BMS1: variants seen among roughly 807,000 people sequenced by gnomAD.
BMS1 encodes ribosome biogenesis protein BMS1 homolog.
In BMS1, 53 loss-of-function variants were observed where a neutral mutation model predicts 138.7. The ratio of observed to expected loss-of-function variants is 0.38; its 90% confidence interval spans 0.31 to 0.48. BMS1 has a LOEUF of 0.48. BMS1 is among the 20% of genes least tolerant of loss of function. The probability of loss-of-function intolerance (pLI) is 0.97; values close to 1 mark genes in which losing one functional copy is unlikely to be tolerated. For synonymous variants in BMS1, 504 were observed against 539.9 expected, an observed-to-expected ratio of 0.93 and a Z score of 0.92; for missense variants, 1,360 against 1,565.5, an observed-to-expected ratio of 0.87 and a Z score of 2.22.
chr10:42,813,196 T>C (rs1042111462), intron 13 of BMS1, among the ~76,000 whole-genome samples: 1 of 152,242 alleles, frequency 6.6e-6, no homozygotes, highest in Non-Finnish European at 1.5e-5. Flanking sequence ...GAGTTTGAAG[T>C]TTCTTATGAA....
Position 42,791,751 on chromosome 10 carries a change from C to T in BMS1, c.761C>T (p.Pro254Leu), listed in dbSNP as rs189007116. 2.4e-5 allele frequency: 38 copies of T among 1,606,638 alleles called. No homozygotes were observed. Among genetic ancestry groups the T allele is most frequent in the Non-Finnish European group, 5.9e-6 (7 of 1,178,166 alleles). Reference protein sequence around the residue: ...FRPLTWQTSHPYILADRMEDL... With the variant: ...FRPLTWQTSHLYILADRMEDL... Reference sequence around the variant, plus strand: ...CCTCTCACATGGCAAACTTCTCACCCTTATATCCTGGCAGACAGGTAAAAT... The same window carrying T: ...CCTCTCACATGGCAAACTTCTCACCTTTATATCCTGGCAGACAGGTAAAAT... The change falls in exon 6 of 23, where the codon CCT becomes CTT. Residue 254 changes from proline to leucine, a missense_variant. Transcript: ENST00000374518.
rs1230140253 is a variant in BMS1, at chr10:42,831,953, C to T, written c.*857C>T. 3 of 151,892 alleles carry T rather than the reference C, an allele frequency of 2.0e-5. No homozygotes were observed. Among genetic ancestry groups the T allele is most frequent in the Non-Finnish European group, 4.4e-5 (3 of 67,978 alleles). 9.4% of individuals were successfully genotyped at this position (151,892 alleles called of 1,614,324 possible). On this transcript the variant is annotated 3_prime_UTR_variant, in exon 23 of 23. Coordinates refer to ENST00000374518, the MANE Select transcript of BMS1 (RefSeq NM_014753.4). ...TAGTTATGGGGAATCTATTCCTATA[C>T]GATGTAATCATAGATTCACATATAG... is the stretch of plus-strand genomic sequence containing the variant.
In BMS1 at chr10:42,830,391, C is replaced by A. The variant is rs201022846; in HGVS notation, c.3587C>A (p.Pro1196Gln). The stretch of plus-strand genomic sequence containing the variant: ...AAGGTGCCAAAGGACAGGCGGAGAC[C>A]GGCCGTCATACGCGAGCCTCATGAA... ...AGKVPKDRRR[P>Q]AVIREPHERK... is the part of the protein sequence containing the mutation. The change falls in exon 22 of 23, where the codon CCG becomes CAG. Residue 1196 changes from proline to glutamine, a missense_variant. This residue lies in a region of BMS1 where 425 missense variants were observed against 568.3 expected (regional missense o/e 0.75). Coordinates refer to ENST00000374518, the MANE Select transcript of BMS1 (RefSeq NM_014753.4). 1.2e-6 allele frequency: 2 copies of A among 1,612,156 alleles called. No homozygotes were observed. Among genetic ancestry groups the A allele is most frequent in the East Asian group, 2.2e-5 (1 of 44,858 alleles).
chr10:42,806,210 C>T (rs1446101177), intron 13 of BMS1, among the ~76,000 whole-genome samples: 1 of 152,196 alleles, frequency 6.6e-6, no homozygotes, highest in South Asian at 2.1e-4. Context: ...GGTCCAATCT[C>T]ATATGGTTCC....
intron 1 of BMS1, among the ~76,000 whole-genome samples, chr10:42,784,036 A>G (rs1201972059): frequency 6.6e-6 from 1 of 152,232 alleles, no homozygotes; most frequent in Non-Finnish European, 1.5e-5. Flanking sequence ...AAGTAACCAC[A>G]TGTGGCTAAT....
At position 42,831,056 on chromosome 10, in the gene BMS1, A is replaced by G. The variant is rs1842789381; in HGVS notation, c.3809A>G (p.Gln1270Arg). ...RIQGQKERRN[Q>R]KSSLKGAEGQ... ...CAGGGGCAGAAGGAAAGAAGAAACC[A>G]GAAGTCCAGTTTGAAGGGGGCTGAG... The change falls in exon 23 of 23, where the codon CAG becomes CGG. Residue 1270 changes from glutamine (Q) to arginine (R), a missense_variant. This residue lies in a region of BMS1 where 425 missense variants were observed against 568.3 expected (regional missense o/e 0.75). Coordinates refer to ENST00000374518, the MANE Select transcript of BMS1 (RefSeq NM_014753.4). The G allele has an allele frequency of 1.3e-6, 2 of 1,580,110 alleles. No homozygotes were observed. The highest frequency in any genetic ancestry group is 1.7e-6 in the Non-Finnish European group (2 of 1,161,486).
Position 42,785,484 on chromosome 10 carries a change from C to T in BMS1, c.179C>T (p.Thr60Ile), listed in dbSNP as rs796498066. The change falls in exon 3 of 23, where the codon ACT becomes ATT. Residue 60 changes from threonine to isoleucine, a missense_variant and splice_region_variant. Around this residue, in one of 3 missense-constraint regions of BMS1, gnomAD observed 238 missense variants for 311.1 expected, o/e 0.77. Coordinates refer to ENST00000374518, the MANE Select transcript of BMS1 (RefSeq NM_014753.4). ...AVRMARSFHRTQDLKTKKHHI... is the reference protein window; with the variant it reads ...AVRMARSFHRIQDLKTKKHHI... The stretch of plus-strand genomic sequence containing the variant: ...TTTGTTTATTTTTTAATGAATAGGA[C>T]TCAGGATTTGAAGACAAAAAAGCAT... 3 of 1,603,746 alleles carry T rather than the reference C, an allele frequency of 1.9e-6. No individual in the cohort carries two copies. Among genetic ancestry groups the T allele is most frequent in the African/African-American group, 1.3e-5 (1 of 74,542 alleles).
At chr10:42,783,430 T>C (rs1841223358) in intron 1 of BMS1, among the ~76,000 whole-genome samples, 1 of 152,238 alleles carries the variant, frequency 6.6e-6, no homozygotes, top group African/African-American at 2.4e-5. Context: ...TAGTTTGGAT[T>C]TCCTCTGCAA....
chr10:42,824,169 AC>A (rs1210424544), intron 21 of BMS1, among the ~76,000 whole-genome samples: 1 of 152,172 alleles, frequency 6.6e-6, no homozygotes, highest in Non-Finnish European at 1.5e-5. Context: ...TACTTACTTA[AC>A]AAAAATCCCA....
chr10:42,783,393 G>A (rs969693555), intron 1 of BMS1, among the ~76,000 whole-genome samples: 31 of 152,128 alleles, frequency 2.0e-4, no homozygotes, highest in African/African-American at 7.2e-4. Flanking sequence ...TTCCAATGTC[G>A]CCCTTATTGC....
chr10:42,802,901 C>G (rs2132332820), intron 13 of BMS1, among the ~76,000 whole-genome samples: 1 of 152,158 alleles, frequency 6.6e-6, no homozygotes, highest in Admixed American at 6.5e-5. Flanking sequence ...GAACTCCACA[C>G]TGAACAACTT....
chr10:42,816,168 G>A (rs1267353035), intron 13 of BMS1, among the ~76,000 whole-genome samples: 5 of 152,096 alleles, frequency 3.3e-5, no homozygotes, highest in African/African-American at 7.2e-5. Context: ...GCTTGGTGGC[G>A]GGTGCCTATA....
intron 21 of BMS1, among the ~76,000 whole-genome samples, chr10:42,825,262 C>T (rs554176265): frequency 6.6e-6 from 1 of 152,284 alleles, no homozygotes; most frequent in Non-Finnish European, 1.5e-5. Context: ...CCGCTGTGGT[C>T]TCTCAAAGTG....
intron 21 of BMS1, among the ~76,000 whole-genome samples, chr10:42,827,039 G>A (rs989337215): frequency 1.1e-4 from 17 of 152,134 alleles, no homozygotes; most frequent in African/African-American, 3.6e-4. Flanking sequence ...CCTAGTGGGA[G>A]GTATTTGGGT....
chr10:42,786,862 G>A (rs931079436), intron 3 of BMS1, among the ~76,000 whole-genome samples: 11 of 152,178 alleles, frequency 7.2e-5, no homozygotes, highest in African/African-American at 1.9e-4. Flanking sequence ...AAGACATTGG[G>A]CCTGCAGCTG....
At chr10:42,825,208 T>C (rs1842603867) in intron 21 of BMS1, among the ~76,000 whole-genome samples, 1 of 152,066 alleles carries the variant, frequency 6.6e-6, no homozygotes, top group Non-Finnish European at 1.5e-5. Context: ...AGGGTTTCAC[T>C]ATGTTTGCTG....
In BMS1 at chr10:42,784,655, C is replaced by T. The variant is rs111647515; in HGVS notation, c.176+85C>T. ...CTCTCACAGGTGACATTTGGATTCA[C>T]GAGTCTAGTCCAGCTCCAAAGGACA... On this transcript the variant is annotated intron_variant, in intron 2 of 22. Transcript: ENST00000374518. The T allele has an allele frequency of 7.0e-3, 10,155 of 1,451,902 alleles. 50 individuals are homozygous for T. The highest frequency in any genetic ancestry group is 8.4e-3 in the Non-Finnish European group (9,044 of 1,081,330). The allele number at this position is 1,451,902 out of a possible 1,614,324, so 89.9% of individuals were successfully genotyped here.
intron 18 of BMS1, 62 bp downstream of exon 18, chr10:42,821,054 T>G: frequency 7.5e-7 from 1 of 1,326,638 alleles, no homozygotes; most frequent in East Asian, 2.3e-5. Context: ...GGGTGTGGGT[T>G]ATTATGTACA....
In BMS1 at chr10:42,802,193, T is replaced by G. The variant is rs1841892925; in HGVS notation, c.2304T>G (p.Asp768Glu). The change falls in exon 13 of 23, where the codon GAT (aspartate) becomes GAG (glutamate). Residue 768 changes from aspartate to glutamate, a missense_variant. Physicochemically the swap from Asp to Glu is conservative, Grantham distance 45. Coordinates refer to ENST00000374518, the MANE Select transcript of BMS1 (RefSeq NM_014753.4). ...FVTGKWEDDK[D>E]AAKVLAEDEE... ...CTGGAAAGTGGGAAGATGATAAAGATGCAGCCAAGGTCTTAGCAGAAGATG... is the reference window on the plus strand; with the variant it reads ...CTGGAAAGTGGGAAGATGATAAAGAGGCAGCCAAGGTCTTAGCAGAAGATG... 6.2e-7 allele frequency: 1 copy of G among 1,613,516 alleles called. No homozygotes were observed. The highest frequency in any genetic ancestry group is 8.5e-7 in the Non-Finnish European group (1 of 1,179,730).
Sources: allele counts gnomAD v4.1 joint callset (sites outside exome capture counted in the v4.1 genomes callset), GRCh38; gene constraint gnomAD v4.1.1; regional missense constraint gnomAD v4.1.1; transcripts MANE v1.5; gene names NCBI Gene and HGNC (gene_info 2026-07-23, HGNC 2026-07-21).